CNTN5: variants seen among roughly 807,000 people sequenced by gnomAD.
CNTN5 encodes the protein contactin-5.
A neutral mutation model predicts 129.1 loss-of-function variants in CNTN5; 77 were observed. The ratio of observed to expected loss-of-function variants is 0.60; its 90% CI spans 0.50 to 0.72. CNTN5 has a LOEUF of 0.72. Among genes scored for constraint, CNTN5 ranks in the 30% least tolerant of loss-of-function variants. CNTN5 has a pLI of 0.00. For missense variants in CNTN5, 1,478 were observed against 1,328.8 expected (o/e 1.11, Z -1.75); for synonymous variants, 509 against 465.6 (o/e 1.09, Z -1.20).
intron 23 of CNTN5, among the ~76,000 whole-genome samples, chr11:100,345,676 T>C (rs1952264064): frequency 6.6e-6 from 1 of 152,104 alleles, no homozygotes; most frequent in South Asian, 2.1e-4. Context: ...CCACATATAA[T>C]TGCACAATAG....
At chr11:99,647,525 C>G (rs1952010926) in intron 3 of CNTN5, among the ~76,000 whole-genome samples, 1 of 151,738 alleles carries the variant, frequency 6.6e-6, no homozygotes, top group Non-Finnish European at 1.5e-5. Flanking sequence ...TATTAATGAT[C>G]TTTTGTGGTT....
chr11:100,014,554 C>T (rs1940719331), intron 9 of CNTN5, among the ~76,000 whole-genome samples: 1 of 151,754 alleles, frequency 6.6e-6, no homozygotes, highest in Admixed American at 6.6e-5. Context: ...GCACTCCAGC[C>T]TGTCTAAAGA....
At chr11:100,044,679 T>A (rs1205687123) in intron 9 of CNTN5, among the ~76,000 whole-genome samples, 2 of 152,080 alleles carry the variant, frequency 1.3e-5, no homozygotes, top group Non-Finnish European at 2.9e-5. Context: ...TATTTTGGAA[T>A]TTTTTGTTGT....
At chr11:99,212,954 G>A (rs896006696) in intron 1 of CNTN5, among the ~76,000 whole-genome samples, 3 of 151,932 alleles carry the variant, frequency 2.0e-5, no homozygotes, top group African/African-American at 7.2e-5. Context: ...CACTTTGGGA[G>A]GCCGAGGTGG....
chr11:99,682,235 G>A (rs2134722027), intron 3 of CNTN5, among the ~76,000 whole-genome samples: 1 of 152,080 alleles, frequency 6.6e-6, no homozygotes, highest in Middle Eastern at 3.4e-3. Context: ...GTGAGGATAT[G>A]AGTGGGTGAA....
chr11:99,236,561 T>C (rs543820059), intron 1 of CNTN5, among the ~76,000 whole-genome samples: 1 of 152,108 alleles, frequency 6.6e-6, no homozygotes, highest in East Asian at 1.9e-4. Context: ...ACTAAATTTA[T>C]AATCTAAGAA....
intron 1 of CNTN5, among the ~76,000 whole-genome samples, chr11:99,095,980 TATTC>T (rs1220155102): frequency 2.0e-5 from 3 of 151,970 alleles, no homozygotes; most frequent in African/African-American, 7.2e-5. Flanking sequence ...TATAATGTGA[TATTC>T]ATTCAATTTT....
intron 1 of CNTN5, among the ~76,000 whole-genome samples, chr11:99,114,720 A>G (rs1249283094): frequency 6.6e-6 from 1 of 152,158 alleles, no homozygotes; most frequent in Non-Finnish European, 1.5e-5. Context: ...TTAGAACTCA[A>G]GTTTGTTCCT....
At chr11:99,506,195 G>A (rs1388334578) in intron 2 of CNTN5, among the ~76,000 whole-genome samples, 1 of 152,076 alleles carries the variant, frequency 6.6e-6, no homozygotes, top group Non-Finnish European at 1.5e-5. Context: ...TCATTTCTTG[G>A]TCAGCAAATT....
intron 7 of CNTN5, among the ~76,000 whole-genome samples, chr11:99,919,641 A>T (rs1170755260): frequency 6.6e-6 from 1 of 152,114 alleles, no homozygotes; most frequent in Non-Finnish European, 1.5e-5. Flanking sequence ...TTAAGTGTAC[A>T]GTTCAATGAG....
intron 16 of CNTN5, among the ~76,000 whole-genome samples, chr11:100,253,818 T>G (rs1944186): frequency 0.056 from 8,483 of 152,180 alleles, 793 homozygotes; most frequent in African/African-American, 0.19. Context: ...TGTAATAATA[T>G]TCTCAACTTT....
intron 1 of CNTN5, among the ~76,000 whole-genome samples, chr11:99,110,469 C>T (rs138414391): frequency 1.3e-5 from 2 of 152,206 alleles, no homozygotes; most frequent in East Asian, 3.9e-4. Flanking sequence ...GTATTGTAAG[C>T]AATGTTGGCC....
chr11:99,131,055 G>A (rs915117048), intron 1 of CNTN5, among the ~76,000 whole-genome samples: 2 of 150,182 alleles, frequency 1.3e-5, no homozygotes, highest in Non-Finnish European at 3.0e-5. Context: ...AAGGTCAGGA[G>A]ATCGAGACCA....
At chr11:99,314,610 G>A (rs1420722899) in intron 1 of CNTN5, among the ~76,000 whole-genome samples, 2 of 152,006 alleles carry the variant, frequency 1.3e-5, no homozygotes, top group African/African-American at 4.8e-5. Flanking sequence ...AATGCAAGCA[G>A]TTGATTGTCA....
chr11:99,794,976 A>C (rs918196602), intron 3 of CNTN5, among the ~76,000 whole-genome samples: 1 of 152,154 alleles, frequency 6.6e-6, no homozygotes, highest in African/African-American at 2.4e-5. Context: ...CTCTATTGCA[A>C]GGTTAAGGAA....
At chr11:99,556,636 A>G (rs1444341069) in intron 3 of CNTN5, among the ~76,000 whole-genome samples, 5 of 145,110 alleles carry the variant, frequency 3.4e-5, no homozygotes, top group African/African-American at 1.2e-4. Context: ...ATATTTATGC[A>G]TATAATGTAT....
At chr11:99,874,489 T>G (rs1370938044) in intron 6 of CNTN5, among the ~76,000 whole-genome samples, 6 of 152,140 alleles carry the variant, frequency 3.9e-5, no homozygotes, top group African/African-American at 1.4e-4. Flanking sequence ...CAGGAGGGAA[T>G]ATCTAGTTGT....
chr11:100,116,576 G>T (rs1274400464), intron 13 of CNTN5, among the ~76,000 whole-genome samples: 4 of 151,578 alleles, frequency 2.6e-5, no homozygotes, highest in Non-Finnish European at 5.9e-5. Flanking sequence ...AACCCAGTTT[G>T]TTTCCTTACC....
chr11:99,261,744 T>G (rs1490668943), intron 1 of CNTN5, among the ~76,000 whole-genome samples: 1 of 152,054 alleles, frequency 6.6e-6, no homozygotes, highest in Admixed American at 6.6e-5. Context: ...ATAGGTGTAT[T>G]TGAATTTGAT....
Sources: gnomAD v4.1 joint callset for allele counts (sites outside exome capture counted in the v4.1 genomes callset) on GRCh38, gnomAD v4.1.1 for gene constraint, MANE v1.5 for transcripts, NCBI Gene and HGNC (gene_info 2026-07-23, HGNC 2026-07-21) for gene names.